FLI1: variants seen among roughly 807,000 people sequenced by gnomAD.
The protein encoded by FLI1 is Friend leukemia integration 1 transcription factor.
A neutral mutation model predicts 53.1 loss-of-function variants in FLI1; 13 were observed. The ratio of observed to expected loss-of-function variants is 0.24; its 90% CI spans 0.16 to 0.39. The LOEUF (loss-of-function observed/expected upper bound fraction) is 0.39, where lower values mean the gene tolerates loss of function less well. Ranked by LOEUF, FLI1 falls within the 10% of genes least tolerant of loss-of-function variation. The pLI is 1.00. For missense variants in FLI1, 424 were observed against 600.5 expected (o/e 0.71, Z 3.07); for synonymous variants, 244 against 236.7 (o/e 1.03, Z -0.28).
intron 1 of FLI1, among the ~76,000 whole-genome samples, chr11:128,727,958 G>A (rs1408435611): frequency 2.6e-5 from 4 of 152,208 alleles, no homozygotes; most frequent in East Asian, 3.9e-4. Context: ...GTCCCACACC[G>A]GCCAGAAGTA....
intron 5 of FLI1, among the ~76,000 whole-genome samples, chr11:128,794,978 A>G (rs571330010): frequency 6.6e-6 from 1 of 152,338 alleles, no homozygotes; most frequent in South Asian, 2.1e-4. Flanking sequence ...TGGGAGGCTT[A>G]GGCACAAGAA....
intron 1 of FLI1, among the ~76,000 whole-genome samples, chr11:128,752,685 A>G (rs1555116208): frequency 1.3e-5 from 2 of 152,236 alleles, no homozygotes; most frequent in Non-Finnish European, 2.9e-5. Flanking sequence ...ACTTTTCTGA[A>G]TTTCCATTTT....
intron 1 of FLI1, among the ~76,000 whole-genome samples, chr11:128,756,230 G>T (rs1940854791): frequency 6.6e-6 from 1 of 152,156 alleles, no homozygotes; most frequent in Admixed American, 6.5e-5. Context: ...CAGAGTTCTG[G>T]AGACTGGAAG....
chr11:128,768,532 T>C (rs1941435304), intron 3 of FLI1: 3 of 398,560 alleles, frequency 7.5e-6, no homozygotes, highest in Admixed American at 3.7e-5. Flanking sequence ...AAAAAAAAAA[T>C]ACAAAAATTA....
chr11:128,764,651 G>A, intron 2 of FLI1: 1 of 1,532,866 alleles, frequency 6.5e-7, no homozygotes, highest in Non-Finnish European at 8.7e-7. Flanking sequence ...TTCTTCACAG[G>A]CGCCAGCTGC....
intron 1 of FLI1, among the ~76,000 whole-genome samples, chr11:128,749,350 T>C (rs1399469737): frequency 6.6e-6 from 1 of 152,244 alleles, no homozygotes; most frequent in Non-Finnish European, 1.5e-5. Flanking sequence ...TATCCTTCAC[T>C]GAAGGCTCGT....
At chr11:128,769,572 T>G (rs1199993787) in intron 3 of FLI1, among the ~76,000 whole-genome samples, 1 of 152,088 alleles carries the variant, frequency 6.6e-6, no homozygotes. Context: ...CTCCCTGTGC[T>G]CTGGGCCAAA....
intron 5 of FLI1, chr11:128,804,437 T>C (rs1459454135): frequency 6.6e-6 from 1 of 152,224 alleles, no homozygotes; most frequent in African/African-American, 2.4e-5. Flanking sequence ...AAGGAAGAAG[T>C]TTCCAGCTAG....
intron 3 of FLI1, chr11:128,768,516 TAAA>T (rs59293003): frequency 4.5e-3 from 1,470 of 327,718 alleles, no homozygotes; most frequent in Middle Eastern, 8.5e-3. Flanking sequence ...TCATCTCTAC[TAAA>T]AAAAAAAAAA....
At chr11:128,756,099 C>G (rs1197879792) in intron 1 of FLI1, among the ~76,000 whole-genome samples, 1 of 152,242 alleles carries the variant, frequency 6.6e-6, no homozygotes, top group African/African-American at 2.4e-5. Flanking sequence ...CAAATCCCAG[C>G]TTTAACAAGT....
intron 1 of FLI1, among the ~76,000 whole-genome samples, chr11:128,723,933 A>ATTT (rs376612983): frequency 0.032 from 2,592 of 80,982 alleles, 299 homozygotes; most frequent in South Asian, 0.042. Context: ...AATGGAGTTG[A>ATTT]TTTTTTTTTT....
chr11:128,726,811 A>C (rs1300046619), intron 1 of FLI1, among the ~76,000 whole-genome samples: 1 of 152,212 alleles, frequency 6.6e-6, no homozygotes, highest in African/African-American at 2.4e-5. Context: ...ATCTATGTGA[A>C]TATTATAAGT....
intron 1 of FLI1, among the ~76,000 whole-genome samples, chr11:128,735,662 T>A (rs937514376): frequency 2.4e-4 from 37 of 152,200 alleles, no homozygotes; most frequent in Non-Finnish European, 3.7e-4. Context: ...CACAGCTGTG[T>A]GACCCATGAT....
chr11:128,706,778 C>T (rs1938563549), intron 1 of FLI1, among the ~76,000 whole-genome samples: 2 of 152,310 alleles, frequency 1.3e-5, no homozygotes, highest in South Asian at 4.1e-4. Context: ...CCATAGGAAC[C>T]ACATGGGTAA....
At chr11:128,796,852 A>G (rs3781721) in intron 5 of FLI1, among the ~76,000 whole-genome samples, 16,763 of 152,254 alleles carry the variant, frequency 0.11, 1,046 homozygotes, top group East Asian at 0.26. Flanking sequence ...GCAGGCGCCT[A>G]TAATACCAGC....
At position 128,754,391 on chromosome 11, in the gene FLI1, T is replaced by G. The variant is rs142158421; in HGVS notation, c.19-3724T>G. On this transcript the variant is annotated intron_variant, in intron 1 of 8. Coordinates refer to ENST00000527786, the MANE Select transcript of FLI1 (RefSeq NM_002017.5). ...AGGAAGCTCTCAGGAAGATCTCACT[T>G]ACCTTACACAATGGCAAAGATAATT... Among the ~76,000 whole-genome samples, 11 of 152,260 alleles carry G rather than the reference T, an allele frequency of 7.2e-5. No homozygotes were observed. In the East Asian group the frequency reaches 2.1e-3, roughly 29 times the overall value.
At chr11:128,692,417 C>T (rs1937782139), upstream of FLI1, among the ~76,000 whole-genome samples, 2 of 151,340 alleles carry the variant, frequency 1.3e-5, no homozygotes, top group Non-Finnish European at 3.0e-5. Flanking sequence ...GGAGTCAGCC[C>T]GGCCCCCATC....
intron 4 of FLI1, among the ~76,000 whole-genome samples, chr11:128,779,875 C>T (rs1057235503): frequency 1.3e-5 from 2 of 152,238 alleles, no homozygotes; most frequent in Non-Finnish European, 2.9e-5. Flanking sequence ...CTACTACACA[C>T]TGAGGCTGTA....
At chr11:128,765,787 C>T (rs527965205) in intron 2 of FLI1, among the ~76,000 whole-genome samples, 48 of 152,108 alleles carry the variant, frequency 3.2e-4, no homozygotes, top group African/African-American at 8.2e-4. Context: ...TGTATGCACG[C>T]GTGTGTGTAA....
Sources: allele counts gnomAD v4.1 joint callset (sites outside exome capture counted in the v4.1 genomes callset), GRCh38; gene constraint gnomAD v4.1.1; transcripts MANE v1.5; gene names NCBI Gene and HGNC (gene_info 2026-07-23, HGNC 2026-07-21).